IGSF9B: variants seen among roughly 807,000 people sequenced by gnomAD.
The protein encoded by IGSF9B is protein turtle homolog B.
IGSF9B carries 48 observed loss-of-function variants against 143.7 expected under a neutral mutation model. That is an observed-to-expected ratio of 0.33 (90% CI 0.26 to 0.42). IGSF9B has a LOEUF of 0.42. IGSF9B is among the 20% of genes least tolerant of loss of function. IGSF9B has a pLI of 1.00. For missense variants in IGSF9B, 1,706 were observed against 1,980.0 expected (o/e 0.86, Z 2.63); for synonymous variants, 903 against 833.1 (o/e 1.08, Z -1.44).
Position 133,920,190 on chromosome 11 carries a change from G to C in IGSF9B, c.3535C>G (p.Pro1179Ala), listed in dbSNP as rs1316860653. The C allele has an allele frequency of 5.3e-6, 8 of 1,513,338 alleles. No individual in the cohort carries two copies. Among genetic ancestry groups the C allele is most frequent in the Non-Finnish European group, 2.7e-6 (3 of 1,131,132 alleles). The allele number at this position is 1,513,338 out of a possible 1,614,324, so 93.7% of individuals were successfully genotyped here. The change falls in exon 18 of 20, where the codon CCT becomes GCT. Residue 1179 changes from proline (P) to alanine (A), a missense_variant. Physicochemically the swap from Pro to Ala is conservative, Grantham distance 27 (BLOSUM62 -1). Around this residue, in one of 7 missense-constraint regions of IGSF9B, gnomAD observed 880 missense variants for 762.9 expected, o/e 1.15. Coordinates refer to ENST00000533871, the MANE Select transcript of IGSF9B (RefSeq NM_001277285.4). ...GCGCGCCTGGCCTGCCGAGGGCTAG[G>C]CCGGGGCCGGGGCTGGGGCTCATAC... The part of the protein sequence containing the change: ...RWYEPQPRPR[P>A]SPRQARRAEP...
chr11:133,929,011 C>T (rs532582898), intron 12 of IGSF9B, among the ~76,000 whole-genome samples: 18 of 152,218 alleles, frequency 1.2e-4, no homozygotes, highest in African/African-American at 3.6e-4. Context: ...AGGGTGAACA[C>T]GTACAAATCA....
chr11:133,933,341 A>C (rs1474867318), intron 7 of IGSF9B, among the ~76,000 whole-genome samples: 1 of 152,242 alleles, frequency 6.6e-6, no homozygotes, highest in African/African-American at 2.4e-5. Context: ...ATCCGAAGCC[A>C]AAAGAAGAAC....
intron 18 of IGSF9B, chr11:133,919,069 G>C (rs754091899): frequency 2.0e-6 from 1 of 497,680 alleles, no homozygotes; most frequent in Non-Finnish European, 4.1e-6. Flanking sequence ...TCTCAGGCGG[G>C]CTGGTCGCGG....
intron 17 of IGSF9B, 25 bp from the exon 18 acceptor site, chr11:133,921,422 A>C (rs1212832245): frequency 1.4e-5 from 20 of 1,459,240 alleles, no homozygotes; most frequent in Non-Finnish European, 1.7e-5. Flanking sequence ...AAGAGCCGGG[A>C]GGGGATGAGG....
chr11:133,920,732 G>A lies in IGSF9B; in HGVS notation c.2993C>T (p.Ser998Phe), dbSNP rs764035440. Residue 998 changes from serine (S) to phenylalanine (F), a missense_variant, in exon 18 of 20, where the codon TCC (serine) becomes TTC (phenylalanine). Ser to Phe is a radical substitution (Grantham distance 155, BLOSUM62 -2). Transcript: ENST00000533871. ...GGGCCCCTCGGTGGGCAGGGGCGGGGACGACATGACGGAGCTCAGGGGGCT... is the reference window on the plus strand; with the variant it reads ...GGGCCCCTCGGTGGGCAGGGGCGGGAACGACATGACGGAGCTCAGGGGGCT... ...VGSPLSSVMS[S>F]PPLPTEGPFG... 3.1e-6 allele frequency: 5 copies of A among 1,612,994 alleles called. No individual in the cohort carries two copies. The highest frequency in any genetic ancestry group is 4.5e-5 in the East Asian group (2 of 44,844).
In IGSF9B at chr11:133,956,742, C is replaced by T; in HGVS notation, c.13G>A (p.Val5Met). 1 of 1,535,662 alleles carries T rather than the reference C, an allele frequency of 6.5e-7. No individual in the cohort carries two copies. Among genetic ancestry groups the T allele is most frequent in the Non-Finnish European group, 8.8e-7 (1 of 1,141,996 alleles). The change falls in exon 1 of 20, where the codon GTG (valine) becomes ATG (methionine). Residue 5 changes from valine to methionine, a missense_variant. Transcript: ENST00000533871. The part of the protein sequence containing the change: MIWY[V>M]ATFIASVIGT... ...ATCACACTTGCTATGAAAGTGGCCA[C>T]ATACCAAATCATAGTACTACCGCGC...
rs1372420725 is a variant in IGSF9B at position 133,928,232 on chromosome 11, G to A, written c.1632-1141C>T. On this transcript the variant is annotated intron_variant, in intron 12 of 19. Coordinates refer to ENST00000533871, the MANE Select transcript of IGSF9B (RefSeq NM_001277285.4). This position sits in a 1 kb window ranked among gnomAD's most constrained non-coding sequence, Gnocchi z 4.7. Reference sequence around the variant, plus strand: ...CAAATGTCCCACCCTGGACACCTAGGCGCTGAGCAGCACCGGTCTCCCAGC... The same window carrying A: ...CAAATGTCCCACCCTGGACACCTAGACGCTGAGCAGCACCGGTCTCCCAGC... Among the ~76,000 whole-genome samples, 1 of 152,124 alleles carries A rather than the reference G, an allele frequency of 6.6e-6. No homozygotes were observed. Among genetic ancestry groups the A allele is most frequent in the Admixed American group, 6.5e-5 (1 of 15,272 alleles).
At chr11:133,950,844 A>G (rs1443547752) in intron 1 of IGSF9B, among the ~76,000 whole-genome samples, 1 of 150,714 alleles carries the variant, frequency 6.6e-6, no homozygotes, top group Non-Finnish European at 1.5e-5. Flanking sequence ...TCCGTTGCTC[A>G]TTAGTACAAG....
At chr11:133,929,222 C>A (rs984442352) in intron 12 of IGSF9B, among the ~76,000 whole-genome samples, 2 of 152,144 alleles carry the variant, frequency 1.3e-5, no homozygotes, top group African/African-American at 4.8e-5. Context: ...ATCTCACGTA[C>A]CCCATACCTA....
rs1591713223 is a variant in IGSF9B, at chr11:133,922,603, G to A, written c.2247C>T (p.Asn749=). ...GCTTGAGCTTACGCTTGCGCTGCTTGTTGACAAAGCAGGCAGCCAGGGTGC... is the reference window on the plus strand; with the variant it reads ...GCTTGAGCTTACGCTTGCGCTGCTTATTGACAAAGCAGGCAGCCAGGGTGC... The part of the protein sequence containing the change: ...LFSTLAACFV[N]KQRKRKLKRK... Residue 749 remains asparagine (N), a synonymous_variant, in exon 16 of 20, where the codon AAC becomes AAT. Coordinates refer to ENST00000533871, the MANE Select transcript of IGSF9B (RefSeq NM_001277285.4). The A allele has an allele frequency of 6.2e-7, 1 of 1,611,134 alleles. No individual in the cohort carries two copies. The highest frequency in any genetic ancestry group is 2.2e-5 in the East Asian group (1 of 44,826).
intron 1 of IGSF9B, among the ~76,000 whole-genome samples, chr11:133,956,049 G>A (rs1038525096): frequency 7.2e-5 from 11 of 152,036 alleles, no homozygotes; most frequent in African/African-American, 2.7e-4. Flanking sequence ...GCGGGGTCCA[G>A]CCAAAAGCGG....
In IGSF9B at chr11:133,940,050, G is replaced by A. The variant is rs547196591; in HGVS notation, c.410-2089C>T. Among the ~76,000 whole-genome samples the A allele has an allele frequency of 5.6e-4, 70 of 124,628 alleles. 2 individuals carry two copies. The South Asian group carries it at 0.016, about 29-fold the overall frequency. The allele number at this position is 124,628 out of a possible 152,430, so 81.8% of individuals were successfully genotyped here. A position where few individuals can be genotyped will look rare whatever the true frequency, so the allele number is the denominator to read the frequency against. ...AAAAACATACACCTCGCATGTCCTC[G>A]CACGTGTCATCATATACAGAAACAT... On this transcript the variant is annotated intron_variant, in intron 3 of 19. Transcript: ENST00000533871.
Position 133,908,551 on chromosome 11 carries a change from A to G in IGSF9B, c.*518T>C, listed in dbSNP as rs1409469043. 4 of 151,692 alleles carry G rather than the reference A, an allele frequency of 2.6e-5. No homozygotes were observed. Among genetic ancestry groups the G allele is most frequent in the Admixed American group, 2.0e-4 (3 of 15,212 alleles). The allele number at this position is 151,692 out of a possible 1,614,324, so 9.4% of individuals were successfully genotyped here. A position where few individuals can be genotyped will look rare whatever the true frequency, so the allele number is the denominator to read the frequency against. On this transcript the variant is annotated 3_prime_UTR_variant, in exon 20 of 20. Transcript: ENST00000533871. ...CTCCTCCTGCCTCCACTGACCACAG[A>G]GAGCAACAGCACTTTGCCTCAATGT...
intron 16 of IGSF9B, 116 bp from the exon 17 acceptor site, chr11:133,922,338 C>T (rs1268311722): frequency 2.8e-6 from 3 of 1,066,194 alleles, no homozygotes; most frequent in Non-Finnish European, 2.8e-6. Context: ...GAGCTGCTCA[C>T]AGTGGGCATC....
rs775024667 is a variant in IGSF9B, at chr11:133,920,173, G to C, written c.3552C>G (p.Ala1184=). The C allele has an allele frequency of 5.3e-6, 8 of 1,509,782 alleles. No homozygotes were observed. The East Asian group carries it at 1.6e-4, about 30-fold the overall frequency. The allele number at this position is 1,509,782 out of a possible 1,614,324, so 93.5% of individuals were successfully genotyped here. ...GATGTAAACTGGGCTCGGCGCGCCT[G>C]GCCTGCCGAGGGCTAGGCCGGGGCC... ...QPRPRPSPRQ[A]RRAEPSLHQV... is the part of the protein sequence containing the mutation. Residue 1184 remains alanine, a synonymous_variant, in exon 18 of 20, where the codon GCC becomes GCG. Transcript: ENST00000533871.
intron 18 of IGSF9B, among the ~76,000 whole-genome samples, chr11:133,919,518 G>C (rs1162819306): frequency 6.6e-6 from 1 of 152,184 alleles, no homozygotes; most frequent in Non-Finnish European, 1.5e-5. Context: ...CGGAGAAGAC[G>C]CCTCATGCTC....
chr11:133,936,077 T>C lies in IGSF9B; in HGVS notation c.797A>G (p.Gln266Arg). Reference protein sequence around the residue: ...PGNLTYTWYWQDENVYFQNDL... With the variant: ...PGNLTYTWYWRDENVYFQNDL... The stretch of plus-strand genomic sequence containing the variant: ...CTTCTGAAAGTAGACGTTCTCGTCC[T>C]GCCAGTACCAGGTGTAGGTGAGGTT... Residue 266 changes from glutamine (Q) to arginine (R), a missense_variant, in exon 6 of 20, where the codon CAG (glutamine) becomes CGG (arginine). Transcript: ENST00000533871. The C allele has an allele frequency of 6.2e-7, 1 of 1,613,702 alleles. No individual in the cohort carries two copies. The highest frequency in any genetic ancestry group is 8.5e-7 in the Non-Finnish European group (1 of 1,179,772).
chr11:133,941,493 C>T (rs1243118048), intron 3 of IGSF9B, among the ~76,000 whole-genome samples: 2 of 152,154 alleles, frequency 1.3e-5, no homozygotes, highest in Non-Finnish European at 2.9e-5. Flanking sequence ...TTGAAAGCAA[C>T]GTAATGCTGG....
At chr11:133,935,282 A>C (rs756075870) in intron 7 of IGSF9B, among the ~76,000 whole-genome samples, 4 of 152,244 alleles carry the variant, frequency 2.6e-5, no homozygotes, top group Non-Finnish European at 5.9e-5. Context: ...AGAGCAACTG[A>C]TTCTGGGCAC....
Sources: allele counts gnomAD v4.1 joint callset (sites outside exome capture counted in the v4.1 genomes callset), GRCh38; gene constraint gnomAD v4.1.1; regional missense constraint gnomAD v4.1.1; non-coding constraint Gnocchi (gnomAD v3.1); transcripts MANE v1.5; gene names NCBI Gene and HGNC (gene_info 2026-07-23, HGNC 2026-07-21).